Variants in GPC5 observed in about 807,000 individuals in gnomAD.
The protein encoded by GPC5 is glypican-5.
In GPC5, 47 loss-of-function variants were observed where a neutral mutation model predicts 53.9. The observed-to-expected ratio is 0.87, with a 90% CI of 0.69 to 1.11. The LOEUF is 1.11. GPC5 is among the 50% of genes most tolerant of loss of function. The pLI is 0.00. For synonymous variants in GPC5, 286 were observed against 263.3 expected, an observed-to-expected ratio of 1.09 and a Z score of -0.84; for missense variants, 748 against 713.1, an observed-to-expected ratio of 1.05 and a Z score of -0.56.
At chr13:91,540,823 A>T (rs559865641) in intron 2 of GPC5, among the ~76,000 whole-genome samples, 1 of 152,092 alleles carries the variant, frequency 6.6e-6, no homozygotes, top group Non-Finnish European at 1.5e-5. Context: ...TGTGGCCCAG[A>T]TGACAGCTGA....
chr13:92,717,000 C>G (rs1396722031), intron 7 of GPC5, among the ~76,000 whole-genome samples: 1 of 151,882 alleles, frequency 6.6e-6, no homozygotes, highest in African/African-American at 2.4e-5. Flanking sequence ...GTGACTTTCC[C>G]GAAGTGGCAG....
At chr13:92,242,950 T>A (rs1203056888) in intron 7 of GPC5, among the ~76,000 whole-genome samples, 1 of 152,210 alleles carries the variant, frequency 6.6e-6, no homozygotes. Context: ...TCCCAAGTAA[T>A]TTAATTATTT....
At chr13:91,906,561 A>G (rs1331162189) in intron 5 of GPC5, among the ~76,000 whole-genome samples, 1 of 152,142 alleles carries the variant, frequency 6.6e-6, no homozygotes, top group Admixed American at 6.6e-5. Context: ...GTAATGAATA[A>G]ACATACAAAT....
At chr13:92,592,177 C>A (rs1330648596) in intron 7 of GPC5, among the ~76,000 whole-genome samples, 4 of 152,202 alleles carry the variant, frequency 2.6e-5, no homozygotes, top group African/African-American at 9.6e-5. Context: ...TTTCAGTCAT[C>A]CACATCCCCT....
At chr13:91,705,883 C>CTTTTTTTTTTTTTTTTTTT in intron 3 of GPC5, among the ~76,000 whole-genome samples, 1 of 134,270 alleles carries the variant, frequency 7.4e-6, no homozygotes, top group Non-Finnish European at 1.6e-5. Flanking sequence ...TCTTTCTTTT[C>CTTTTTTTTTTTTTTTTTTT]TTTTTTTTTT....
At chr13:92,011,282 T>C (rs956605271) in intron 6 of GPC5, among the ~76,000 whole-genome samples, 1 of 152,188 alleles carries the variant, frequency 6.6e-6, no homozygotes, top group Non-Finnish European at 1.5e-5. Context: ...TAAGTATAAA[T>C]ATATACTAGT....
At chr13:92,261,576 C>G (rs941739075) in intron 7 of GPC5, among the ~76,000 whole-genome samples, 20 of 151,888 alleles carry the variant, frequency 1.3e-4, no homozygotes, top group Non-Finnish European at 2.2e-4. Flanking sequence ...TTTCTGCCAG[C>G]TTTAAAGAAA....
At chr13:92,552,850 C>T (rs1882365032) in intron 7 of GPC5, among the ~76,000 whole-genome samples, 1 of 151,886 alleles carries the variant, frequency 6.6e-6, no homozygotes, top group African/African-American at 2.4e-5. Context: ...TCTGTTCTTG[C>T]TAATTTGAAA....
chr13:92,385,451 T>TAA (rs1566567551), intron 7 of GPC5, among the ~76,000 whole-genome samples: 1 of 128,286 alleles, frequency 7.8e-6, no homozygotes, highest in Non-Finnish European at 1.6e-5. Flanking sequence ...TATACATATA[T>TAA]ACATATATAC....
chr13:92,684,856 A>C (rs960945575), intron 7 of GPC5, among the ~76,000 whole-genome samples: 4 of 152,208 alleles, frequency 2.6e-5, no homozygotes, highest in African/African-American at 9.6e-5. Flanking sequence ...CATCCCCACT[A>C]GCAATGAATA....
intron 2 of GPC5, among the ~76,000 whole-genome samples, chr13:91,546,847 T>C (rs192848552): frequency 2.8e-4 from 43 of 152,164 alleles, no homozygotes; most frequent in African/African-American, 9.6e-4. Flanking sequence ...TTGCTTAGAA[T>C]TAAGAATGAA....
intron 1 of GPC5, among the ~76,000 whole-genome samples, chr13:91,409,634 C>G (rs977553701): frequency 3.9e-5 from 6 of 152,150 alleles, no homozygotes; most frequent in Non-Finnish European, 8.8e-5. Context: ...GTATTATGAT[C>G]ACATATTTTC....
intron 7 of GPC5, among the ~76,000 whole-genome samples, chr13:92,613,330 A>ATAAAT (rs1173655761): frequency 0.015 from 1,440 of 98,894 alleles, 64 homozygotes; most frequent in African/African-American, 0.058. Flanking sequence ...ATATTTATAT[A>ATAAAT]ATATAATATA....
chr13:92,415,646 T>G (rs1289585116), intron 7 of GPC5, among the ~76,000 whole-genome samples: 1 of 150,078 alleles, frequency 6.7e-6, no homozygotes, highest in Non-Finnish European at 1.5e-5. Flanking sequence ...GATATGAGTC[T>G]GATGCTGAGA....
intron 7 of GPC5, among the ~76,000 whole-genome samples, chr13:92,402,072 GAAAAAGGAATTAC>G: frequency 6.6e-6 from 1 of 152,008 alleles, no homozygotes; most frequent in Non-Finnish European, 1.5e-5. Flanking sequence ...CTTTTTCCCG[GAAAAAGGAATTAC>G]ACCCCGCTTC....
At chr13:91,491,549 A>G (rs1389135301) in intron 2 of GPC5, among the ~76,000 whole-genome samples, 4 of 152,212 alleles carry the variant, frequency 2.6e-5, no homozygotes, top group African/African-American at 9.6e-5. Flanking sequence ...ATAACAAATC[A>G]TCACATACCG....
intron 7 of GPC5, among the ~76,000 whole-genome samples, chr13:92,740,154 T>C (rs757316897): frequency 6.6e-6 from 1 of 152,016 alleles, no homozygotes; most frequent in Non-Finnish European, 1.5e-5. Context: ...GCAGTTGGTG[T>C]ACCCTCTGCC....
Position 91,674,369 on chromosome 13 carries a change from C to T in GPC5, c.326-18818C>T, listed in dbSNP as rs571940728. On this transcript the variant is annotated intron_variant, in intron 2 of 7. Transcript: ENST00000377067. ...CTCCTTCAAATATCCTGGTTTACCACTAACTCATTATATATATATATACAC... is the reference window on the plus strand; with the variant it reads ...CTCCTTCAAATATCCTGGTTTACCATTAACTCATTATATATATATATACAC... Among the ~76,000 whole-genome samples the T allele has an allele frequency of 1.0e-3, 157 of 151,054 alleles. 4 individuals are homozygous for T. The South Asian group carries it at 0.031, about 30-fold the overall frequency.
chr13:92,314,933 C>G lies in GPC5; in HGVS notation c.1561+169944C>G, dbSNP rs182752766. ...GAGACTACAGGCATGTGCCCCATGC[C>G]CAGCTAATTTTTTAATGCTTTTTGG... On this transcript the variant is annotated intron_variant, in intron 7 of 7. Transcript: ENST00000377067. Among the ~76,000 whole-genome samples, 43 of 152,084 alleles carry G rather than the reference C, an allele frequency of 2.8e-4. No individual in the cohort carries two copies. The East Asian group carries it at 8.0e-3, about 28-fold the overall frequency.
Sources: gnomAD v4.1 joint callset for allele counts (sites outside exome capture counted in the v4.1 genomes callset) on GRCh38, gnomAD v4.1.1 for gene constraint, MANE v1.5 for transcripts, NCBI Gene and HGNC (gene_info 2026-07-23, HGNC 2026-07-21) for gene names.